The following FXYD1 variants were observed in gnomAD, a reference collection of about 807,000 sequenced individuals.
The protein encoded by FXYD1 is phospholemman.
A neutral mutation model predicts 17.2 loss-of-function variants in FXYD1; 9 were observed. The ratio of observed to expected loss-of-function variants is 0.52; its 90% CI spans 0.32 to 0.91. The LOEUF (loss-of-function observed/expected upper bound fraction) is 0.91, where lower values mean the gene tolerates loss of function less well. Among genes scored for constraint, FXYD1 ranks in the 40% least tolerant of loss-of-function variants. FXYD1 has a pLI of 0.04. For missense variants in FXYD1, 113 were observed against 120.6 expected, an observed-to-expected ratio of 0.94 and a Z score of 0.29; for synonymous variants, 55 against 45.8, an observed-to-expected ratio of 1.20 and a Z score of -0.81.
chr19:35,141,459 G>A, intron 4 of FXYD1, 77 bp from the exon 5 acceptor site: 1 of 1,249,272 alleles, frequency 8.0e-7, no homozygotes, highest in Non-Finnish European at 1.1e-6. Context: ...CCCTCGCGAG[G>A]GCGAGCTGGA....
upstream of FXYD1, chr19:35,138,345 T>G (rs1043387240): frequency 2.0e-5 from 3 of 151,750 alleles, no homozygotes; most frequent in African/African-American, 7.3e-5. Context: ...TCTGGGGATC[T>G]CACCACAGCA....
rs2065272440 is a variant in FXYD1, at chr19:35,143,056, C to T, written c.*169C>T. 3.6e-6 allele frequency: 2 copies of T among 557,472 alleles called. No individual in the cohort carries two copies. Among genetic ancestry groups the T allele is most frequent in the South Asian group, 4.3e-5 (2 of 46,614 alleles). 34.5% of individuals were successfully genotyped at this position (557,472 alleles called of 1,614,324 possible). A position where few individuals can be genotyped will look rare whatever the true frequency, so the allele number is the denominator to read the frequency against. ...AAAACGTGCGTTCCTCTCGACAGCACTTTGTCGGTCTCGGTCCCTCAGCGC... is the reference window on the plus strand; with the variant it reads ...AAAACGTGCGTTCCTCTCGACAGCATTTTGTCGGTCTCGGTCCCTCAGCGC... On this transcript the variant is annotated 3_prime_UTR_variant, in exon 8 of 8. Coordinates refer to ENST00000351325, the MANE Select transcript of FXYD1 (RefSeq NM_021902.4). The surrounding 1 kb of genome is among the most constrained non-coding windows in gnomAD (Gnocchi z 4.3).
At chr19:35,142,221 T>TC in intron 5 of FXYD1, 2 of 432,174 alleles carry the variant, frequency 4.6e-6, no homozygotes, top group South Asian at 8.4e-5. Context: ...TGACTATCCC[T>TC]CCCCCACCAA....
chr19:35,138,374 G>GCGCA (rs775930081), upstream of FXYD1: 7 of 148,622 alleles, frequency 4.7e-5, no homozygotes, highest in East Asian at 2.0e-4. Flanking sequence ...ACATGCGCGC[G>GCGCA]CACACACACA....
At position 35,143,011 on chromosome 19, in the gene FXYD1, C is replaced by A. The variant is rs2065272055; in HGVS notation, c.*124C>A. On this transcript the variant is annotated 3_prime_UTR_variant, in exon 8 of 8. Coordinates refer to ENST00000351325, the MANE Select transcript of FXYD1 (RefSeq NM_021902.4). The surrounding 1 kb of genome is among the most constrained non-coding windows in gnomAD (Gnocchi z 4.3). ...CCAGCCCTGCCCCCGCAGACTCCCC[C>A]TGCCGCCAAGACTTCCAATAAAACG... The A allele has an allele frequency of 1.7e-6, 1 of 574,814 alleles. No individual in the cohort carries two copies. Among genetic ancestry groups the A allele is most frequent in the Non-Finnish European group, 3.1e-6 (1 of 324,672 alleles). The allele number at this position is 574,814 out of a possible 1,614,324, so 35.6% of individuals were successfully genotyped here.
chr19:35,138,083 G>C (rs1407382507), upstream of FXYD1: 1 of 151,980 alleles, frequency 6.6e-6, no homozygotes, highest in Non-Finnish European at 1.5e-5. Context: ...GTCTTTGACT[G>C]TATCTCTGTG....
chr19:35,140,519 G>T (rs1224411036), intron 2 of FXYD1, 78 bp from the exon 3 acceptor site: 2 of 1,295,888 alleles, frequency 1.5e-6, no homozygotes. Flanking sequence ...GCAAGGCAGA[G>T]CCTCCAGTGG....
intron 5 of FXYD1, 36 bp downstream of exon 5, chr19:35,141,608 C>A: frequency 6.3e-7 from 1 of 1,583,392 alleles, no homozygotes; most frequent in South Asian, 1.1e-5. Flanking sequence ...TCGCCCGCTC[C>A]TGCTCTGGAG....
intron 5 of FXYD1, 156 bp from the exon 6 acceptor site, chr19:35,142,316 G>C: frequency 1.6e-6 from 1 of 633,724 alleles, no homozygotes; most frequent in South Asian, 2.0e-5. Flanking sequence ...GCTGCTCCTG[G>C]GTGCTCCTCA....
chr19:35,140,842 T>G (rs1258412762), intron 3 of FXYD1: 2 of 596,690 alleles, frequency 3.4e-6, no homozygotes, highest in Non-Finnish European at 6.0e-6. Context: ...CTGGTTCTCT[T>G]TCTCTTGCCT....
chr19:35,137,584 A>C (rs986161090), upstream of FXYD1: 1 of 152,282 alleles, frequency 6.6e-6, no homozygotes, highest in African/African-American at 2.4e-5. Flanking sequence ...CTTTGGGACC[A>C]TGTAGGAGTG....
In FXYD1 at chr19:35,142,476, G is replaced by A; in HGVS notation, c.211G>A (p.Gly71Arg). Reference protein sequence around the residue: ...RCKFNQQQRTGEPDEEEGTFR... With the variant: ...RCKFNQQQRTREPDEEEGTFR... ...CCTCTGCCTCTGTCTTCCCAGGACT[G>A]GGGAACCCGATGAAGAGGAGGGAAC... The change falls in exon 6 of 8, where the codon GGG becomes AGG. Residue 71 changes from glycine (G) to arginine (R), a missense_variant. By Grantham distance (125) the Gly-to-Arg change is moderately radical (BLOSUM62 -2). Transcript: ENST00000351325. 6.2e-7 allele frequency: 1 copy of A among 1,611,994 alleles called. No homozygotes were observed. The highest frequency in any genetic ancestry group is 1.3e-5 in the African/African-American group (1 of 74,970).
Position 35,142,516 on chromosome 19 carries a change from T to A in FXYD1, c.251T>A (p.Ile84Asn). The change falls in exon 6 of 8, where the codon ATC becomes AAC. Residue 84 changes from isoleucine (I) to asparagine (N), a missense_variant. Ile to Asn is a moderately radical substitution (Grantham distance 149). Transcript: ENST00000351325. ...GAGGAGGGAACTTTCCGCAGCTCCATCCGCCGTGAGTCTGGGGAGACTGCG... is the reference window on the plus strand; with the variant it reads ...GAGGAGGGAACTTTCCGCAGCTCCAACCGCCGTGAGTCTGGGGAGACTGCG... ...DEEEGTFRSS[I>N]RRLSTRRR 6.2e-7 allele frequency: 1 copy of A among 1,613,274 alleles called. No homozygotes were observed. Among genetic ancestry groups the A allele is most frequent in the South Asian group, 1.1e-5 (1 of 91,040 alleles).
chr19:35,140,466 G>A (rs2065241259), intron 2 of FXYD1, 131 bp from the exon 3 acceptor site: 1 of 808,648 alleles, frequency 1.2e-6, no homozygotes, highest in East Asian at 2.4e-5. Context: ...GGGACCCAGA[G>A]AGTGTGGGCA....
chr19:35,140,227 A>C, intron 2 of FXYD1, 87 bp downstream of exon 2: 1 of 807,786 alleles, frequency 1.2e-6, no homozygotes, highest in Non-Finnish European at 2.2e-6. Context: ...ACCCCAACCT[A>C]GACTAAGTCG....
Position 35,141,368 on chromosome 19 carries a change from C to T in FXYD1, c.169+162C>T, listed in dbSNP as rs1175306492. 26 of 668,692 alleles carry T rather than the reference C, an allele frequency of 3.9e-5. No individual in the cohort carries two copies. In the Admixed American group the frequency reaches 6.0e-4, roughly 15 times the overall value. The allele number at this position is 668,692 out of a possible 1,614,324, so 41.4% of individuals were successfully genotyped here. ...GGCCCCGCCCCGCCCCAACCCCTCC[C>T]AGGCCTTGCCCCGCCTACCCTGCCT... is the stretch of plus-strand genomic sequence containing the variant. On this transcript the variant is annotated intron_variant, in intron 4 of 7. Transcript: ENST00000351325.
At position 35,142,541 on chromosome 19, in the gene FXYD1, G is replaced by A; in HGVS notation, c.256+20G>A. 6.2e-7 allele frequency: 1 copy of A among 1,609,036 alleles called. No individual in the cohort carries two copies. The highest frequency in any genetic ancestry group is 8.5e-7 in the Non-Finnish European group (1 of 1,175,638). ...TCCGCCGTGAGTCTGGGGAGACTGC[G>A]GGTATTCTGGGGAGAGGGCTGGTTC... On this transcript the variant is annotated intron_variant, in intron 6 of 7. Coordinates refer to ENST00000351325, the MANE Select transcript of FXYD1 (RefSeq NM_021902.4).
chr19:35,140,172 C>A, intron 2 of FXYD1, 32 bp downstream of exon 2: 2 of 1,254,244 alleles, frequency 1.6e-6, no homozygotes, highest in Non-Finnish European at 2.3e-6. Flanking sequence ...CGCTACCCAC[C>A]TCAGCCCCAG....
At chr19:35,140,879 A>C in intron 3 of FXYD1, 1 of 587,840 alleles carries the variant, frequency 1.7e-6, no homozygotes. Flanking sequence ...CTCGTGGCCC[A>C]TCCTCTGCTT....
Sources: allele counts gnomAD v4.1 joint callset, GRCh38; gene constraint gnomAD v4.1.1; non-coding constraint Gnocchi (gnomAD v3.1); transcripts MANE v1.5; gene names NCBI Gene and HGNC (gene_info 2026-07-23, HGNC 2026-07-21).